The following USP37 variants were observed in gnomAD, a reference collection of about 807,000 sequenced individuals.
USP37 encodes ubiquitin specific peptidase 37.
Under a neutral mutation model 124.0 loss-of-function variants are expected in USP37, and 27 were observed. The observed-to-expected ratio is 0.22, with a 90% CI of 0.16 to 0.30. USP37 has a LOEUF of 0.30. Among genes scored for constraint, USP37 ranks in the 10% least tolerant of loss-of-function variants. USP37 has a pLI of 1.00. For synonymous variants in USP37, 365 were observed against 388.0 expected, an observed-to-expected ratio of 0.94 and a Z score of 0.70; for missense variants, 889 against 1,140.4, an observed-to-expected ratio of 0.78 and a Z score of 3.17.
chr2:218,457,986 G>A (rs1408171582), intron 23 of USP37, among the ~76,000 whole-genome samples: 2 of 146,680 alleles, frequency 1.4e-5, no homozygotes, highest in Non-Finnish European at 3.0e-5. Context: ...CTTGCAGTGA[G>A]CTGAGATCGG....
At chr2:218,536,017 CAAAA>C (rs59248363) in intron 8 of USP37, among the ~76,000 whole-genome samples, 4 of 80,828 alleles carry the variant, frequency 4.9e-5, no homozygotes, top group African/African-American at 1.8e-4. Flanking sequence ...GACTTCATCT[CAAAA>C]AAAAAAAAAA....
At chr2:218,513,399 T>C (rs1290226535) in intron 10 of USP37, among the ~76,000 whole-genome samples, 1 of 152,208 alleles carries the variant, frequency 6.6e-6, no homozygotes, top group Non-Finnish European at 1.5e-5. Context: ...TACTGAAGTA[T>C]AGTTGACATA....
chr2:218,466,563 A>G (rs1690334387), intron 20 of USP37, among the ~76,000 whole-genome samples: 2 of 152,100 alleles, frequency 1.3e-5, no homozygotes, highest in African/African-American at 4.8e-5. Flanking sequence ...ATCTACAGTG[A>G]TGGTTCTAAA....
At chr2:218,536,449 T>C (rs1691648855) in intron 8 of USP37, among the ~76,000 whole-genome samples, 1 of 152,176 alleles carries the variant, frequency 6.6e-6, no homozygotes, top group South Asian at 2.1e-4. Flanking sequence ...TTACTAGAGA[T>C]ACTTTGCCTG....
intron 20 of USP37, 128 bp from the exon 21 acceptor site, chr2:218,466,304 A>C (rs938947805): frequency 1.9e-6 from 2 of 1,031,278 alleles, no homozygotes; most frequent in African/African-American, 3.2e-5. Flanking sequence ...AGGACATACA[A>C]TTTCACCTTA....
At chr2:218,522,334 G>C (rs971021488) in intron 10 of USP37, among the ~76,000 whole-genome samples, 1 of 151,804 alleles carries the variant, frequency 6.6e-6, no homozygotes, top group Non-Finnish European at 1.5e-5. Context: ...AGGTCAAAGA[G>C]GGAGGATTGC....
chr2:218,552,078 A>C (rs1369678204), intron 5 of USP37, among the ~76,000 whole-genome samples: 1 of 152,082 alleles, frequency 6.6e-6, no homozygotes, highest in Non-Finnish European at 1.5e-5. Context: ...AGGTGTGAGC[A>C]ACCGTGCCTG....
At chr2:218,536,879 T>C (rs536999953) in intron 8 of USP37, among the ~76,000 whole-genome samples, 1 of 152,190 alleles carries the variant, frequency 6.6e-6, no homozygotes, top group Non-Finnish European at 1.5e-5. Context: ...TGACATCTTA[T>C]AGTGTTACAA....
intron 10 of USP37, among the ~76,000 whole-genome samples, chr2:218,513,323 T>G (rs765612179): frequency 2.0e-5 from 3 of 152,132 alleles, no homozygotes; most frequent in Non-Finnish European, 2.9e-5. Context: ...GAGCCAACCA[T>G]GCCCAGTCTA....
At position 218,533,237 on chromosome 2, in the gene USP37, C is replaced by CT. The variant is rs779179101; in HGVS notation, c.778+1371dup. Reference sequence around the variant, plus strand: ...TCTATTTTTTAACGATTTAAAAAAACTTTTTTTTTTCTGATTTCTTCAACA... The same window carrying CT: ...TCTATTTTTTAACGATTTAAAAAAACTTTTTTTTTTTCTGATTTCTTCAACA... On this transcript the variant is annotated intron_variant, in intron 9 of 25. Transcript: ENST00000258399. Among the ~76,000 whole-genome samples the CT allele has an allele frequency of 1.6e-3, 238 of 150,168 alleles. 1 individual carries two copies. The highest frequency in any genetic ancestry group is 6.8e-3 in the East Asian group (35 of 5,130).
Position 218,526,785 on chromosome 2 carries a change from C to CTT in USP37, c.863+3169_863+3170dup, listed in dbSNP as rs71064454. ...AACGTAAGTTTCTTCATTTCATTTG[C>CTT]TTTTTTTTTTTTTTTTTTTTTGGGA... On this transcript the variant is annotated intron_variant, in intron 10 of 25. Coordinates refer to ENST00000258399, the MANE Select transcript of USP37 (RefSeq NM_020935.3). Among the ~76,000 whole-genome samples the CTT allele has an allele frequency of 1.6e-3, 122 of 75,906 alleles. 2 individuals carry two copies. The highest frequency in any genetic ancestry group is 4.6e-3 in the African/African-American group (82 of 17,724). The allele number at this position is 75,906 out of a possible 152,430, so 49.8% of individuals were successfully genotyped here.
rs528407540 is a variant in USP37, at chr2:218,523,933, A to G, written c.863+6023T>C. Among the ~76,000 whole-genome samples the G allele has an allele frequency of 3.9e-5, 6 of 152,320 alleles. No homozygotes were observed. In the South Asian group the frequency reaches 1.0e-3, roughly 26 times the overall value. ...TGATGGGAATACTTCTCAAAGTTTC[A>G]TAATTGTAATGTGATTTAAGTTTTT... On this transcript the variant is annotated intron_variant, in intron 10 of 25. Transcript: ENST00000258399.
At chr2:218,458,266 A>AC (rs921937476) in intron 23 of USP37, among the ~76,000 whole-genome samples, 5 of 149,726 alleles carry the variant, frequency 3.3e-5, no homozygotes, top group African/African-American at 1.2e-4. Flanking sequence ...AAAAAAAAAA[A>AC]AAAAAAAAAA....
intron 13 of USP37, among the ~76,000 whole-genome samples, chr2:218,497,440 C>G (rs1180015750): frequency 6.6e-6 from 1 of 151,284 alleles, no homozygotes; most frequent in Non-Finnish European, 1.5e-5. Flanking sequence ...GTCACCCAGG[C>G]TATAGTGCAG....
At chr2:218,528,925 GCTTTTGATT>G (rs571476811) in intron 10 of USP37, 291 of 394,284 alleles carry the variant, frequency 7.4e-4, no homozygotes, top group African/African-American at 5.6e-3. Context: ...CTGTAATACA[GCTTTTGATT>G]TTTAAGGGAA....
intron 11 of USP37, among the ~76,000 whole-genome samples, chr2:218,507,400 C>T (rs1271856095): frequency 1.3e-5 from 2 of 152,024 alleles, no homozygotes; most frequent in East Asian, 1.9e-4. Context: ...TCAAGTTATC[C>T]GCCTGCCTCG....
chr2:218,490,007 C>T (rs1429283493), intron 14 of USP37, among the ~76,000 whole-genome samples: 1 of 152,130 alleles, frequency 6.6e-6, no homozygotes, highest in African/African-American at 2.4e-5. Context: ...TACTGATGAG[C>T]ATTTAGGTTG....
At chr2:218,490,267 G>C (rs1039474125) in intron 14 of USP37, among the ~76,000 whole-genome samples, 1 of 152,148 alleles carries the variant, frequency 6.6e-6, no homozygotes, top group Non-Finnish European at 1.5e-5. Flanking sequence ...TGTGAACTCA[G>C]GAGGCTGAAC....
At chr2:218,503,403 G>T (rs570867492) in intron 11 of USP37, among the ~76,000 whole-genome samples, 2 of 152,252 alleles carry the variant, frequency 1.3e-5, no homozygotes, top group Non-Finnish European at 2.9e-5. Context: ...ACTACGTATT[G>T]TGGGATGTAT....
Sources: gnomAD v4.1 joint callset for allele counts (sites outside exome capture counted in the v4.1 genomes callset) on GRCh38, gnomAD v4.1.1 for gene constraint, MANE v1.5 for transcripts, NCBI Gene and HGNC (gene_info 2026-07-23, HGNC 2026-07-21) for gene names.